Variants in TMEM120B observed in about 807,000 individuals in gnomAD.
TMEM120B encodes the protein transmembrane protein 120B.
TMEM120B carries 31 observed loss-of-function variants against 55.5 expected under a neutral mutation model. The ratio of observed to expected loss-of-function variants is 0.56; its 90% CI spans 0.42 to 0.75. The LOEUF (loss-of-function observed/expected upper bound fraction) is 0.75. TMEM120B is among the 30% of genes least tolerant of loss of function. The pLI is 0.00. For synonymous variants in TMEM120B, 203 were observed against 176.3 expected, an observed-to-expected ratio of 1.15 and a Z score of -1.20; for missense variants, 399 against 425.5, an observed-to-expected ratio of 0.94 and a Z score of 0.55.
At chr12:121,746,343 A>G (rs1873082709) in intron 2 of TMEM120B, among the ~76,000 whole-genome samples, 1 of 151,878 alleles carries the variant, frequency 6.6e-6, no homozygotes, top group Non-Finnish European at 1.5e-5. Context: ...ATGCACCACC[A>G]TGCCCAGCTA....
chr12:121,748,286 AGTGACGCC>A, intron 2 of TMEM120B, 32 bp from the exon 3 acceptor site: 1 of 1,530,182 alleles, frequency 6.5e-7, no homozygotes. Context: ...CCTCCCTCTG[AGTGACGCC>A]CCTTCCCCTG....
At chr12:121,736,548 C>A (rs938752839) in intron 1 of TMEM120B, among the ~76,000 whole-genome samples, 1 of 150,984 alleles carries the variant, frequency 6.6e-6, no homozygotes, top group Non-Finnish European at 1.5e-5. Context: ...GCCACCATGC[C>A]CGGCCTTCTT....
Position 121,757,220 on chromosome 12 carries a change from G to A in TMEM120B, c.462-4429G>A, listed in dbSNP as rs576023995. 1.8e-4 allele frequency among the ~76,000 whole-genome samples: 27 copies of A among 151,970 alleles called. No homozygotes were observed. The South Asian group carries it at 5.6e-3, about 32-fold the overall frequency. ...TCTGTCACCCAGGCTGGAGTACAGT[G>A]GTGTGATCTCAGCTCACTGCAACCT... On this transcript the variant is annotated intron_variant, in intron 5 of 11. Transcript: ENST00000449592.
At chr12:121,752,518 C>T (rs192984127) in intron 5 of TMEM120B, among the ~76,000 whole-genome samples, 171 of 151,200 alleles carry the variant, frequency 1.1e-3, no homozygotes, top group African/African-American at 3.9e-3. Context: ...TTTGGGAGGC[C>T]GAGGCAGGCA....
chr12:121,716,565 C>CTTTTTTTTTTTTTTTTT (rs56037685), intron 1 of TMEM120B, among the ~76,000 whole-genome samples: 2 of 124,814 alleles, frequency 1.6e-5, no homozygotes, highest in African/African-American at 3.1e-5. Flanking sequence ...TTTTTTCTTT[C>CTTTTTTTTTTTTTTTTT]TTTTTTTTTT....
In TMEM120B at chr12:121,732,029, C is replaced by T. The variant is rs980699187; in HGVS notation, c.70-11600C>T. 3.3e-5 allele frequency among the ~76,000 whole-genome samples: 5 copies of T among 152,030 alleles called. No homozygotes were observed. In the East Asian group the frequency reaches 5.8e-4, roughly 18 times the overall value. On this transcript the variant is annotated intron_variant, in intron 1 of 11. Coordinates refer to ENST00000449592, the MANE Select transcript of TMEM120B (RefSeq NM_001080825.2). ...GCGGGCGCCTGTAGCCCCAGCTACT[C>T]GGGAGGCTGAAGCAGTAGAATCTCT...
Position 121,780,409 on chromosome 12 carries a change from G to A in TMEM120B, c.*4687G>A. On this transcript the variant is annotated 3_prime_UTR_variant, in exon 12 of 12. Transcript: ENST00000449592. ...CTTGTGAAAGTTTCTTTTTGCCTTT[G>A]CATTCCTTTTATTCTGTTTATTCCC... 4.9e-6 allele frequency: 1 copy of A among 203,150 alleles called. No individual in the cohort carries two copies. The highest frequency in any genetic ancestry group is 1.0e-5 in the Non-Finnish European group (1 of 100,194). 12.6% of individuals were successfully genotyped at this position (203,150 alleles called of 1,614,324 possible).
At chr12:121,770,465 A>C (rs901200714) in intron 6 of TMEM120B, among the ~76,000 whole-genome samples, 1 of 152,142 alleles carries the variant, frequency 6.6e-6, no homozygotes, top group Admixed American at 6.5e-5. Flanking sequence ...TTCAGTCTGT[A>C]GGAGGCCCTG....
At chr12:121,765,970 C>T (rs1197520662) in intron 6 of TMEM120B, among the ~76,000 whole-genome samples, 3 of 152,092 alleles carry the variant, frequency 2.0e-5, no homozygotes, top group South Asian at 2.1e-4. Flanking sequence ...TCCACTCACT[C>T]GGGGCTGGTG....
At chr12:121,726,815 G>A (rs994594595) in intron 1 of TMEM120B, among the ~76,000 whole-genome samples, 13 of 150,104 alleles carry the variant, frequency 8.7e-5, no homozygotes, top group Non-Finnish European at 1.5e-4. Context: ...GCTGAGGCAG[G>A]GAGAATTGCT....
chr12:121,752,776 A>C (rs1169930970), intron 5 of TMEM120B, among the ~76,000 whole-genome samples: 1 of 151,664 alleles, frequency 6.6e-6, no homozygotes, highest in Non-Finnish European at 1.5e-5. Flanking sequence ...ACTGTGGTCT[A>C]TCTGTACAGT....
chr12:121,762,979 A>G (rs905897202), intron 6 of TMEM120B, among the ~76,000 whole-genome samples: 1 of 151,976 alleles, frequency 6.6e-6, no homozygotes, highest in Non-Finnish European at 1.5e-5. Flanking sequence ...CTTGGCCCCC[A>G]TCTCTGAAGG....
rs1894625131 is a variant in TMEM120B at position 121,712,856 on chromosome 12, G to GGGAGCAGCCGCCGGCACCGCCGCC, written c.-39_-16dup. The GGGAGCAGCCGCCGGCACCGCCGCC allele has an allele frequency of 7.1e-7, 1 of 1,413,978 alleles. No individual in the cohort carries two copies. The highest frequency in any genetic ancestry group is 9.3e-7 in the Non-Finnish European group (1 of 1,080,514). The allele number at this position is 1,413,978 out of a possible 1,614,324, so 87.6% of individuals were successfully genotyped here. On this transcript the variant is annotated 5_prime_UTR_variant, in exon 1 of 12. Coordinates refer to ENST00000449592, the MANE Select transcript of TMEM120B (RefSeq NM_001080825.2). ...TGGGGGGCCGGTCGGGCAGCGCTGCGGGAGCAGCCGCCGGCACCGCCGCCT... is the reference window on the plus strand; with the variant it reads ...TGGGGGGCCGGTCGGGCAGCGCTGCGGGAGCAGCCGCCGGCACCGCCGCCGGAGCAGCCGCCGGCACCGCCGCCT...
chr12:121,735,479 A>G (rs983708834), intron 1 of TMEM120B, among the ~76,000 whole-genome samples: 13 of 151,608 alleles, frequency 8.6e-5, no homozygotes, highest in African/African-American at 3.1e-4. Context: ...GCTCACTGCA[A>G]CCTCCGCGTC....
intron 10 of TMEM120B, 141 bp downstream of exon 10, chr12:121,774,863 CAGGGA>C: frequency 8.1e-7 from 1 of 1,228,970 alleles, no homozygotes; most frequent in Non-Finnish European, 1.1e-6. Context: ...CCTCTGGGCC[CAGGGA>C]TGCCAAGGCA....
chr12:121,771,407 G>A, intron 7 of TMEM120B, 81 bp from the exon 8 acceptor site: 1 of 1,251,046 alleles, frequency 8.0e-7, no homozygotes, highest in Non-Finnish European at 1.2e-6. Flanking sequence ...CGCCTCTTCT[G>A]GTTGGAATGG....
chr12:121,718,310 C>T (rs972040569), intron 1 of TMEM120B, among the ~76,000 whole-genome samples: 5 of 151,964 alleles, frequency 3.3e-5, no homozygotes, highest in Non-Finnish European at 5.9e-5. Flanking sequence ...ATGGTGAAAC[C>T]CCATCACTAT....
chr12:121,766,930 A>T (rs1873868510), intron 6 of TMEM120B, among the ~76,000 whole-genome samples: 1 of 152,082 alleles, frequency 6.6e-6, no homozygotes, highest in African/African-American at 2.4e-5. Flanking sequence ...GCCATTCCCC[A>T]CTGTCTAGAT....
chr12:121,739,798 CTTTTT>C (rs200085137), intron 1 of TMEM120B, among the ~76,000 whole-genome samples: 1 of 99,214 alleles, frequency 1.0e-5, no homozygotes, highest in African/African-American at 4.3e-5. Flanking sequence ...TGCAACACTT[CTTTTT>C]TTTTTTTTTT....
Sources: gnomAD v4.1 joint callset for allele counts (sites outside exome capture counted in the v4.1 genomes callset) on GRCh38, gnomAD v4.1.1 for gene constraint, MANE v1.5 for transcripts, NCBI Gene and HGNC (gene_info 2026-07-23, HGNC 2026-07-21) for gene names.